Variants in PRELID2 observed in about 807,000 individuals in gnomAD.
PRELID2 encodes PRELI domain-containing protein 2.
In PRELID2, 25 loss-of-function variants were observed where a neutral mutation model predicts 28.4. That is an observed-to-expected ratio of 0.88 (90% CI 0.64 to 1.23). The LOEUF (loss-of-function observed/expected upper bound fraction) is 1.23, where lower values mean the gene tolerates loss of function less well. Ranked by LOEUF, PRELID2 falls within the 50% of genes most tolerant of loss-of-function variation. PRELID2 has a pLI of 0.00. For missense variants in PRELID2, 201 were observed against 214.4 expected, an observed-to-expected ratio of 0.94 and a Z score of 0.39; for synonymous variants, 76 against 71.6, an observed-to-expected ratio of 1.06 and a Z score of -0.31.
intron 1 of PRELID2, among the ~76,000 whole-genome samples, chr5:145,649,829 C>A (rs1206421570): frequency 6.6e-6 from 1 of 152,158 alleles, no homozygotes; most frequent in African/African-American, 2.4e-5. Flanking sequence ...ATTGTTTTAA[C>A]ACTAATATCT....
chr5:145,368,521 T>G, the PRELID2 span, among the ~76,000 whole-genome samples: 1 of 152,062 alleles, frequency 6.6e-6, no homozygotes, highest in East Asian at 1.9e-4. Flanking sequence ...AACATCATCC[T>G]GAACTTTCTC....
At chr5:145,322,168 C>A in the PRELID2 span, among the ~76,000 whole-genome samples, 1 of 152,164 alleles carries the variant, frequency 6.6e-6, no homozygotes, top group East Asian at 1.9e-4. Context: ...CAAAAATTAT[C>A]TGAGAATAAG....
rs1756778158 is a variant in PRELID2, at chr5:145,741,690, T to TATATAAA, written n.70+23240_70+23241insTTTATAT. 4.9e-5 allele frequency among the ~76,000 whole-genome samples: 2 copies of TATATAAA among 40,656 alleles called. 1 individual carries two copies. Among genetic ancestry groups the TATATAAA allele is most frequent in the African/African-American group, 1.6e-4 (2 of 12,654 alleles). The allele number at this position is 40,656 out of a possible 152,430, so 26.7% of individuals were successfully genotyped here. On this transcript the variant is annotated intron_variant and non_coding_transcript_variant, in intron 1 of 2. Transcript: ENST00000510259. ...ATATAAATAATTTATAAATAATTTA[T>TATATAAA]TTATATATAAATAATTTATTTATAT... is the stretch of plus-strand genomic sequence containing the variant.
chr5:145,732,984 C>T (rs1460957261), intron 1 of PRELID2, among the ~76,000 whole-genome samples: 1 of 149,500 alleles, frequency 6.7e-6, no homozygotes, highest in East Asian at 2.0e-4. Flanking sequence ...AGGTGTTTTT[C>T]AAGGTCAGTC....
At chr5:145,344,921 T>C in the PRELID2 span, among the ~76,000 whole-genome samples, 55,699 of 151,938 alleles carry the variant, frequency 0.37, 10,905 homozygotes, top group East Asian at 0.74. Context: ...GAATTCTTGA[T>C]AATGAGGATT....
the PRELID2 span, among the ~76,000 whole-genome samples, chr5:145,364,823 T>C: frequency 6.6e-6 from 1 of 151,986 alleles, no homozygotes; most frequent in African/African-American, 2.4e-5. Flanking sequence ...ATTCCCTGCA[T>C]ATCCTGACAA....
the PRELID2 span, among the ~76,000 whole-genome samples, chr5:145,397,367 G>A: frequency 1.3e-5 from 2 of 152,048 alleles, no homozygotes; most frequent in East Asian, 1.9e-4. Context: ...AAAAGAAATA[G>A]CATGTTGCTT....
At chr5:145,328,668 G>A in the PRELID2 span, among the ~76,000 whole-genome samples, 411 of 151,456 alleles carry the variant, frequency 2.7e-3, no homozygotes, top group African/African-American at 7.6e-3. Flanking sequence ...GTAGATTCTC[G>A]GTATTAGCCC....
chr5:145,518,013 G>A (rs1017782977), intron 1 of PRELID2, among the ~76,000 whole-genome samples: 3 of 151,960 alleles, frequency 2.0e-5, no homozygotes, highest in Admixed American at 1.3e-4. Context: ...CTAGGGGACC[G>A]ATAGCATTAG....
At chr5:145,577,709 G>C (rs905952283) in intron 1 of PRELID2, among the ~76,000 whole-genome samples, 3 of 152,022 alleles carry the variant, frequency 2.0e-5, no homozygotes, top group African/African-American at 4.8e-5. Flanking sequence ...ACTACACCAA[G>C]ATTTATTATC....
At chr5:145,664,518 A>C (rs562870502) in intron 1 of PRELID2, among the ~76,000 whole-genome samples, 2 of 152,208 alleles carry the variant, frequency 1.3e-5, no homozygotes, top group East Asian at 3.9e-4. Context: ...TATCTGACAG[A>C]TCTGAGGAAC....
chr5:145,790,168 T>A lies in PRELID2; in HGVS notation c.474+6274A>T, dbSNP rs563844543. On this transcript the variant is annotated intron_variant, in intron 5 of 6. Coordinates refer to ENST00000683046, the MANE Select transcript of PRELID2 (RefSeq NM_205846.3). ...GGGTATTTATCCGAAGAATTGGGAA[T>A]CAGTATGTCAAAGAGACAGCTGAAC... Among the ~76,000 whole-genome samples the A allele has an allele frequency of 2.6e-5, 4 of 152,294 alleles. No individual in the cohort carries two copies. In the East Asian group the frequency reaches 7.7e-4, roughly 29 times the overall value.
intron 5 of PRELID2, among the ~76,000 whole-genome samples, chr5:145,792,173 A>G (rs1343611340): frequency 6.6e-6 from 1 of 152,158 alleles, no homozygotes; most frequent in Non-Finnish European, 1.5e-5. Flanking sequence ...TCATGGATGC[A>G]GCACTGTGAT....
chr5:145,596,044 G>C (rs1354805317), intron 1 of PRELID2, among the ~76,000 whole-genome samples: 1 of 144,660 alleles, frequency 6.9e-6, no homozygotes, highest in East Asian at 2.0e-4. Flanking sequence ...AGTGAGCCGA[G>C]GTGGCACCAC....
chr5:145,832,159 G>T (rs9716744), intron 1 of PRELID2, among the ~76,000 whole-genome samples: 5 of 151,914 alleles, frequency 3.3e-5, no homozygotes, highest in Non-Finnish European at 5.9e-5. Flanking sequence ...AAAACACATT[G>T]AGCACAGCCA....
chr5:145,464,900 G>A, the PRELID2 span, among the ~76,000 whole-genome samples: 1 of 152,058 alleles, frequency 6.6e-6, no homozygotes, highest in African/African-American at 2.4e-5. Flanking sequence ...AGGGGGGACT[G>A]GGGTACCTGA....
At position 145,699,768 on chromosome 5, in the gene PRELID2, C is replaced by A. The variant is rs1405341198; in HGVS notation, n.70+65163G>T. ...TCCAGCTCTCCAGCAACCCACTTAC[C>A]CTACCCTTAATAGCACAGCTGCCGC... On this transcript the variant is annotated intron_variant and non_coding_transcript_variant, in intron 1 of 2. Coordinates refer to the PRELID2 transcript ENST00000510259. 2.0e-5 allele frequency among the ~76,000 whole-genome samples: 3 copies of A among 152,164 alleles called. No individual in the cohort carries two copies. The East Asian group carries it at 5.8e-4, about 29-fold the overall frequency.
intron 1 of PRELID2, among the ~76,000 whole-genome samples, chr5:145,537,992 T>C (rs372042483): frequency 7.2e-5 from 11 of 152,106 alleles, no homozygotes; most frequent in East Asian, 1.9e-4. Flanking sequence ...AAGTTTTTAA[T>C]ACATTTTGAT....
At chr5:145,605,789 T>C (rs1472795840) in intron 1 of PRELID2, among the ~76,000 whole-genome samples, 2 of 152,072 alleles carry the variant, frequency 1.3e-5, no homozygotes, top group East Asian at 1.9e-4. Flanking sequence ...TGAAGAATGA[T>C]GAATACAATT....
Sources: allele counts gnomAD v4.1 joint callset (sites outside exome capture counted in the v4.1 genomes callset), GRCh38; gene constraint gnomAD v4.1.1; transcripts MANE v1.5; gene names NCBI Gene and HGNC (gene_info 2026-07-23, HGNC 2026-07-21).